FMNL2: variants seen among roughly 807,000 people sequenced by gnomAD.
The protein encoded by FMNL2 is formin like 2, also known as formin-like protein 2.
A neutral mutation model predicts 130.2 loss-of-function variants in FMNL2; 51 were observed. That is an observed-to-expected ratio of 0.39 (90% CI 0.31 to 0.49). FMNL2 has a LOEUF of 0.49. Among genes scored for constraint, FMNL2 ranks in the 20% least tolerant of loss-of-function variants. The pLI, the probability that FMNL2 is intolerant of heterozygous loss-of-function variation, is 0.85. For missense variants in FMNL2, 977 were observed against 1,316.2 expected (o/e 0.74, Z 3.99); for synonymous variants, 465 against 467.1 (o/e 1.00, Z 0.06).
Position 152,614,612 on chromosome 2 carries a change from G to A in FMNL2, c.1063-239G>A, listed in dbSNP as rs184434950. 1.1e-4 allele frequency among the ~76,000 whole-genome samples: 16 copies of A among 152,106 alleles called. No individual in the cohort carries two copies. In the South Asian group the frequency reaches 1.5e-3, roughly 14 times the overall value. On this transcript the variant is annotated intron_variant, in intron 11 of 25. Coordinates refer to ENST00000288670, the MANE Select transcript of FMNL2 (RefSeq NM_052905.4). ...ACAAAAATTAGCTGGGTGTGGTGGC[G>A]CGTGCCTGTAATCCCAGCTACTTGG...
intron 9 of FMNL2, among the ~76,000 whole-genome samples, chr2:152,603,699 T>G (rs747012): frequency 1.3e-5 from 2 of 151,026 alleles, no homozygotes; most frequent in Non-Finnish European, 3.0e-5. Flanking sequence ...ACCTTTTTTT[T>G]CTAAGACCCA....
intron 1 of FMNL2, among the ~76,000 whole-genome samples, chr2:152,497,779 GA>G (rs756440832): frequency 2.6e-5 from 4 of 152,168 alleles, no homozygotes; most frequent in Non-Finnish European, 5.9e-5. Context: ...CAGGAGTTTG[GA>G]CATGGGTTAG....
Position 152,632,106 on chromosome 2 carries a change from T to C in FMNL2, c.2649T>C (p.Asn883=), listed in dbSNP as rs1682212530. Reference sequence around the variant, plus strand: ...ATCACCAAGTGTCCCTGTTTTATAATGAGCTTCATTATGTGGAAAAAGCTG... The same window carrying C: ...ATCACCAAGTGTCCCTGTTTTATAACGAGCTTCATTATGTGGAAAAAGCTG... The part of the protein sequence containing the change: ...EKYHQVSLFY[N]ELHYVEKAAA... The change falls in exon 21 of 26, where the codon AAT becomes AAC. Residue 883 remains asparagine (N), a synonymous_variant. Transcript: ENST00000288670. 1.2e-6 allele frequency: 2 copies of C among 1,612,612 alleles called. No individual in the cohort carries two copies. Among genetic ancestry groups the C allele is most frequent in the Admixed American group, 1.7e-5 (1 of 59,850 alleles).
At chr2:152,428,640 T>C (rs1340477321) in intron 1 of FMNL2, among the ~76,000 whole-genome samples, 2 of 152,196 alleles carry the variant, frequency 1.3e-5, no homozygotes, top group Non-Finnish European at 2.9e-5. Context: ...TTTATTCTTT[T>C]TGTAAAGACC....
At chr2:152,463,482 T>C (rs959748847) in intron 1 of FMNL2, among the ~76,000 whole-genome samples, 1 of 152,206 alleles carries the variant, frequency 6.6e-6, no homozygotes, top group Admixed American at 6.5e-5. Context: ...AACTAAATCA[T>C]ACCCTTGTGG....
intron 1 of FMNL2, among the ~76,000 whole-genome samples, chr2:152,356,725 T>A (rs1051159792): frequency 9.7e-6 from 1 of 102,758 alleles, no homozygotes; most frequent in African/African-American, 3.6e-5. Context: ...TGCCACACTT[T>A]TTGCACTTTT....
chr2:152,415,605 G>A (rs1415865792), intron 1 of FMNL2, among the ~76,000 whole-genome samples: 1 of 151,762 alleles, frequency 6.6e-6, no homozygotes, highest in Non-Finnish European at 1.5e-5. Context: ...TTTTTGAGGT[G>A]GGTAATACTA....
At chr2:152,513,811 G>A (rs988820733) in intron 1 of FMNL2, among the ~76,000 whole-genome samples, 22 of 152,058 alleles carry the variant, frequency 1.4e-4, no homozygotes, top group Admixed American at 5.9e-4. Context: ...TGGCTACGGC[G>A]GTGATATTAG....
chr2:152,485,264 G>A (rs568913470), intron 1 of FMNL2, among the ~76,000 whole-genome samples: 14 of 152,228 alleles, frequency 9.2e-5, no homozygotes, highest in Non-Finnish European at 1.8e-4. Context: ...AGGCCAAGGC[G>A]GGCAGATCAC....
At chr2:152,461,867 A>G (rs1292374671) in intron 1 of FMNL2, among the ~76,000 whole-genome samples, 1 of 152,122 alleles carries the variant, frequency 6.6e-6, no homozygotes, top group African/African-American at 2.4e-5. Context: ...CCAGTCCAGT[A>G]AAGGTAGTCA....
chr2:152,341,463 C>T (rs1361822485), intron 1 of FMNL2, among the ~76,000 whole-genome samples: 8 of 152,134 alleles, frequency 5.3e-5, no homozygotes, highest in Admixed American at 5.2e-4. Context: ...GGCCTTAAAT[C>T]CGTAAGTGAT....
intron 1 of FMNL2, among the ~76,000 whole-genome samples, chr2:152,505,138 TAA>T (rs113549890): frequency 0.073 from 11,145 of 152,176 alleles, 655 homozygotes; most frequent in Admixed American, 0.21. Flanking sequence ...CTATATTTAC[TAA>T]GTCAGAAGAT....
intron 4 of FMNL2, among the ~76,000 whole-genome samples, chr2:152,555,406 G>A (rs779820783): frequency 6.6e-6 from 1 of 152,164 alleles, no homozygotes; most frequent in African/African-American, 2.4e-5. Flanking sequence ...GAGGAGGCTG[G>A]CAAAAGGAAT....
At position 152,474,684 on chromosome 2, in the gene FMNL2, T is replaced by TA. The variant is rs1002453579; in HGVS notation, c.118-47249dup. Among the ~76,000 whole-genome samples the TA allele has an allele frequency of 5.6e-3, 820 of 147,176 alleles. 7 individuals carry two copies. The highest frequency in any genetic ancestry group is 0.018 in the African/African-American group (714 of 40,188). On this transcript the variant is annotated intron_variant, in intron 1 of 25. Transcript: ENST00000288670. ...CTGGGTGATGGAGCAAGACTCTGTCTAAAAAAAAAACAAAAAACAAAAAAC... is the reference window on the plus strand; with the variant it reads ...CTGGGTGATGGAGCAAGACTCTGTCTAAAAAAAAAAACAAAAAACAAAAAAC...
At chr2:152,489,405 G>A (rs944117858) in intron 1 of FMNL2, among the ~76,000 whole-genome samples, 4 of 152,136 alleles carry the variant, frequency 2.6e-5, no homozygotes, top group Admixed American at 6.5e-5. Flanking sequence ...TTTTCAGGGA[G>A]GGGCCAGATG....
intron 9 of FMNL2, among the ~76,000 whole-genome samples, chr2:152,592,604 G>A (rs187265705): frequency 6.6e-6 from 1 of 152,206 alleles, no homozygotes; most frequent in African/African-American, 2.4e-5. Flanking sequence ...GCTACTATTA[G>A]TTAATTTTCT....
chr2:152,636,276 A>G (rs1682596274), intron 21 of FMNL2, 151 bp from the exon 22 acceptor site: 1 of 693,630 alleles, frequency 1.4e-6, no homozygotes, highest in African/African-American at 1.8e-5. Flanking sequence ...GCTTCTTTGC[A>G]TTAAAAGATC....
chr2:152,556,142 T>C (rs1296584661), intron 4 of FMNL2, among the ~76,000 whole-genome samples: 1 of 152,164 alleles, frequency 6.6e-6, no homozygotes, highest in Non-Finnish European at 1.5e-5. Context: ...ACTGAGATAA[T>C]AGTTAGAAAA....
chr2:152,454,661 A>T (rs2105088225), intron 1 of FMNL2, among the ~76,000 whole-genome samples: 1 of 152,300 alleles, frequency 6.6e-6, no homozygotes, highest in East Asian at 1.9e-4. Flanking sequence ...GCTTGCTGTG[A>T]AGGAATGTGG....
Sources: gnomAD v4.1 joint callset for allele counts (sites outside exome capture counted in the v4.1 genomes callset) on GRCh38, gnomAD v4.1.1 for gene constraint, MANE v1.5 for transcripts, NCBI Gene and HGNC (gene_info 2026-07-23, HGNC 2026-07-21) for gene names.